The following GPC5 variants were observed in gnomAD, a reference collection of about 807,000 sequenced individuals.
GPC5 encodes glypican-5.
GPC5 carries 47 observed loss-of-function variants against 53.9 expected under a neutral mutation model. The observed-to-expected ratio is 0.87, with a 90% CI of 0.69 to 1.11. GPC5 has a LOEUF of 1.11. GPC5 is among the 50% of genes most tolerant of loss of function. The pLI, the probability that GPC5 is intolerant of heterozygous loss-of-function variation, is 0.00. For synonymous variants in GPC5, 286 were observed against 263.3 expected (o/e 1.09, Z -0.84); for missense variants, 748 against 713.1 (o/e 1.05, Z -0.56).
intron 5 of GPC5, among the ~76,000 whole-genome samples, chr13:91,897,824 C>G (rs1488175743): frequency 6.6e-6 from 1 of 152,056 alleles, no homozygotes; most frequent in African/African-American, 2.4e-5. Context: ...GTAAAGTGCT[C>G]CCCCATATTT....
intron 6 of GPC5, among the ~76,000 whole-genome samples, chr13:91,985,373 T>G (rs2040397225): frequency 6.6e-6 from 1 of 151,634 alleles, no homozygotes; most frequent in Non-Finnish European, 1.5e-5. Context: ...AATCAGCATT[T>G]TTTTTTTTTT....
At chr13:91,562,005 A>G (rs1226991146) in intron 2 of GPC5, among the ~76,000 whole-genome samples, 2 of 152,072 alleles carry the variant, frequency 1.3e-5, no homozygotes, top group African/African-American at 4.8e-5. Flanking sequence ...AATTCAATAC[A>G]TATTTACTGA....
chr13:92,544,661 G>A (rs1270331342), intron 7 of GPC5, among the ~76,000 whole-genome samples: 2 of 151,924 alleles, frequency 1.3e-5, no homozygotes, highest in East Asian at 1.9e-4. Context: ...CTAATCTAGG[G>A]CCAATTTTTT....
At chr13:92,748,510 A>T (rs1303375840) in intron 7 of GPC5, among the ~76,000 whole-genome samples, 2 of 151,494 alleles carry the variant, frequency 1.3e-5, no homozygotes, top group African/African-American at 2.4e-5. Context: ...TTTTGTAGAG[A>T]CGGGGTTTCA....
intron 6 of GPC5, among the ~76,000 whole-genome samples, chr13:91,910,513 G>C (rs190262512): frequency 2.4e-4 from 36 of 152,038 alleles, no homozygotes; most frequent in African/African-American, 8.5e-4. Flanking sequence ...TTTGTGCTAT[G>C]AAAAATGCCA....
chr13:92,610,030 C>CAAAAAAAAAAA, intron 7 of GPC5, among the ~76,000 whole-genome samples: 1 of 70,836 alleles, frequency 1.4e-5, no homozygotes, highest in Non-Finnish European at 2.5e-5. Context: ...GACTCCATCT[C>CAAAAAAAAAAA]AAAAAAAAAA....
chr13:92,602,220 AATATATATATAACATATAT>A, intron 7 of GPC5, among the ~76,000 whole-genome samples: 1 of 110,242 alleles, frequency 9.1e-6, no homozygotes, highest in African/African-American at 3.4e-5. Context: ...CATATATATA[AATATATATATAACATATAT>A]ATATATATAT....
chr13:91,783,860 G>A (rs1332943810), intron 5 of GPC5, among the ~76,000 whole-genome samples: 2 of 152,130 alleles, frequency 1.3e-5, no homozygotes, highest in African/African-American at 4.8e-5. Context: ...AGTGATTAAT[G>A]CCATCAAATC....
intron 7 of GPC5, among the ~76,000 whole-genome samples, chr13:92,228,502 C>G (rs190980510): frequency 7.9e-5 from 12 of 152,026 alleles, no homozygotes; most frequent in Non-Finnish European, 1.8e-4. Flanking sequence ...CACGAATTAT[C>G]TAGGAAATAC....
intron 6 of GPC5, among the ~76,000 whole-genome samples, chr13:92,089,415 C>A (rs9516010): frequency 0.45 from 68,235 of 151,984 alleles, 16,291 homozygotes; most frequent in East Asian, 0.79. Flanking sequence ...GCCTGGGCAA[C>A]CATGCAAGAC....
chr13:91,404,634 C>T (rs1170563613), intron 1 of GPC5, among the ~76,000 whole-genome samples: 1 of 152,212 alleles, frequency 6.6e-6, no homozygotes, highest in African/African-American at 2.4e-5. Context: ...TGAATCACCA[C>T]AAACAGCACA....
chr13:92,322,472 A>G (rs1198605378), intron 7 of GPC5, among the ~76,000 whole-genome samples: 1 of 152,224 alleles, frequency 6.6e-6, no homozygotes, highest in African/African-American at 2.4e-5. Flanking sequence ...TGAAGAAATT[A>G]CTGGAAAATT....
At chr13:91,576,958 GCAGAAATA>G (rs2032162075) in intron 2 of GPC5, among the ~76,000 whole-genome samples, 1 of 152,016 alleles carries the variant, frequency 6.6e-6, no homozygotes, top group Non-Finnish European at 1.5e-5. Context: ...ATGTGAAAAG[GCAGAAATA>G]CTTCACATGT....
chr13:92,324,988 T>G (rs2043240955), intron 7 of GPC5, among the ~76,000 whole-genome samples: 1 of 151,756 alleles, frequency 6.6e-6, no homozygotes, highest in African/African-American at 2.4e-5. Context: ...TTAATTTGCA[T>G]AAGGAAAAAG....
chr13:91,406,802 T>A (rs1277343161), intron 1 of GPC5, among the ~76,000 whole-genome samples: 13 of 152,244 alleles, frequency 8.5e-5, no homozygotes, highest in Admixed American at 8.5e-4. Context: ...CTTCGCCTCT[T>A]GGCAACCTGT....
chr13:91,528,844 G>C (rs889479970), intron 2 of GPC5, among the ~76,000 whole-genome samples: 6 of 152,278 alleles, frequency 3.9e-5, no homozygotes, highest in Middle Eastern at 3.4e-3. Flanking sequence ...AGAGGAGAAA[G>C]AGAGCACAGG....
rs1876472951 is a variant in GPC5 at position 92,419,653 on chromosome 13, G to T, written c.1561+274664G>T. Among the ~76,000 whole-genome samples the T allele has an allele frequency of 1.3e-5, 2 of 152,094 alleles. 1 individual carries two copies. The highest frequency in any genetic ancestry group is 4.1e-4 in the South Asian group (2 of 4,824). ...ATTCTTAAAATATTTGACAATTATT[G>T]AAAATGGTTTCTAGACTAGCATACT... On this transcript the variant is annotated intron_variant, in intron 7 of 7. Coordinates refer to ENST00000377067, the MANE Select transcript of GPC5 (RefSeq NM_004466.6).
intron 5 of GPC5, among the ~76,000 whole-genome samples, chr13:91,763,464 A>C (rs1037295067): frequency 2.6e-5 from 4 of 152,162 alleles, no homozygotes; most frequent in Non-Finnish European, 5.9e-5. Context: ...AGACCTGCCC[A>C]AAGTCAAAAG....
Position 92,358,482 on chromosome 13 carries a change from T to A in GPC5, c.1561+213493T>A, listed in dbSNP as rs375427816. Among the ~76,000 whole-genome samples, 54 of 151,802 alleles carry A rather than the reference T, an allele frequency of 3.6e-4. 1 individual carries two copies. In the South Asian group the frequency reaches 0.011, roughly 31 times the overall value. ...TAGTAGGCCGTGCCCCAGTGGGGAC[T>A]CGGCATGGTGGCTCCAACCCCACAT... On this transcript the variant is annotated intron_variant, in intron 7 of 7. Coordinates refer to ENST00000377067, the MANE Select transcript of GPC5 (RefSeq NM_004466.6).
Sources: allele counts gnomAD v4.1 joint callset (sites outside exome capture counted in the v4.1 genomes callset), GRCh38; gene constraint gnomAD v4.1.1; transcripts MANE v1.5; gene names NCBI Gene and HGNC (gene_info 2026-07-23, HGNC 2026-07-21).